The following PAXIP1 variants were observed in gnomAD, a reference collection of about 807,000 sequenced individuals.
PAXIP1 encodes PAX interacting protein 1.
Under a neutral mutation model 140.6 loss-of-function variants are expected in PAXIP1, and 19 were observed. That is an observed-to-expected ratio of 0.14 (90% CI 0.09 to 0.20). The LOEUF (loss-of-function observed/expected upper bound fraction) is 0.20. Ranked by LOEUF, PAXIP1 falls within the 10% of genes least tolerant of loss-of-function variation. The probability of loss-of-function intolerance (pLI) is 1.00; values close to 1 mark genes in which losing one functional copy is unlikely to be tolerated. For missense variants in PAXIP1, 920 were observed against 1,208.6 expected, an observed-to-expected ratio of 0.76 and a Z score of 3.54; for synonymous variants, 442 against 444.6, an observed-to-expected ratio of 0.99 and a Z score of 0.07.
intron 5 of PAXIP1, among the ~76,000 whole-genome samples, chr7:154,982,084 A>C (rs1172263383): frequency 3.9e-5 from 6 of 152,256 alleles, no homozygotes; most frequent in Non-Finnish European, 7.3e-5. Flanking sequence ...CTATGTAAAA[A>C]TCAAATACAT....
In PAXIP1 at chr7:154,947,976, G is replaced by A. The variant is rs778190585; in HGVS notation, c.2849C>T (p.Ala950Val). Residue 950 changes from alanine (A) to valine (V), a missense_variant, in exon 17 of 21, where the codon GCT (alanine) becomes GTT (valine). Coordinates refer to ENST00000404141, the MANE Select transcript of PAXIP1 (RefSeq NM_007349.4). ...GAAAGAGAAAAGTACTTCTGCCTCA[G>A]CATCTCGGAGAATGTAGTTCTGCTC... ...IDEQNYILRD[A>V]EAEVLFSFSL... 1 of 1,613,052 alleles carries A rather than the reference G, an allele frequency of 6.2e-7. No individual in the cohort carries two copies. The highest frequency in any genetic ancestry group is 8.5e-7 in the Non-Finnish European group (1 of 1,179,036).
chr7:154,978,099 T>A (rs1171281492), intron 5 of PAXIP1, among the ~76,000 whole-genome samples: 1 of 152,226 alleles, frequency 6.6e-6, no homozygotes, highest in Non-Finnish European at 1.5e-5. Flanking sequence ...CTCAAATTGA[T>A]AAAGACTTTC....
At chr7:154,944,277 G>C in intron 20 of PAXIP1, 113 bp from the exon 21 acceptor site, 1 of 901,700 alleles carries the variant, frequency 1.1e-6, no homozygotes. Flanking sequence ...GAATGCTACA[G>C]CCTCTTTCTT....
intron 2 of PAXIP1, among the ~76,000 whole-genome samples, chr7:154,994,959 TA>T (rs999290864): frequency 6.6e-6 from 1 of 152,096 alleles, no homozygotes; most frequent in Non-Finnish European, 1.5e-5. Context: ...CAGTTAAATT[TA>T]AAAAAATGGG....
intron 4 of PAXIP1, 50 bp from the exon 5 acceptor site, chr7:154,983,382 A>G (rs2150774070): frequency 1.2e-6 from 1 of 851,778 alleles, no homozygotes; most frequent in East Asian, 2.6e-5. Context: ...CAATCTGTGC[A>G]TGGCTATATT....
chr7:154,983,345 TAGAA>T lies in PAXIP1; in HGVS notation c.325-17_325-14del. On this transcript the variant is annotated splice_polypyrimidine_tract_variant and intron_variant, in intron 4 of 20. Transcript: ENST00000404141. Reference sequence around the variant, plus strand: ...CTTCAGATGACACCTGACAGAAAGTTAGAAAGAAGGCTTTTACCATACATTTCAA... The same window carrying T: ...CTTCAGATGACACCTGACAGAAAGTTAGAAGGCTTTTACCATACATTTCAA... The T allele has an allele frequency of 7.4e-7, 1 of 1,353,626 alleles. No homozygotes were observed. The highest frequency in any genetic ancestry group is 2.3e-5 in the East Asian group (1 of 43,518). The allele number at this position is 1,353,626 out of a possible 1,614,324, so 83.9% of individuals were successfully genotyped here.
intron 17 of PAXIP1, chr7:154,947,025 A>G: frequency 2.2e-6 from 1 of 450,026 alleles, no homozygotes; most frequent in East Asian, 3.7e-5. Context: ...CATGTTAAGT[A>G]TGCCTGAAGA....
intron 3 of PAXIP1, 89 bp from the exon 4 acceptor site, chr7:154,991,158 C>G (rs551941205): frequency 1.6e-6 from 1 of 625,504 alleles, no homozygotes; most frequent in East Asian, 3.1e-5. Context: ...TCCGTCCCCA[C>G]TCAGTCCATT....
chr7:155,002,686 C>G (rs1810971510), intron 1 of PAXIP1, among the ~76,000 whole-genome samples, 163 bp downstream of exon 1: 1 of 151,426 alleles, frequency 6.6e-6, no homozygotes, highest in African/African-American at 2.4e-5. Flanking sequence ...CGCGCCCACC[C>G]CGCGGTCGCC....
At chr7:155,000,798 T>C (rs564124588) in intron 1 of PAXIP1, 3 of 152,364 alleles carry the variant, frequency 2.0e-5, no homozygotes, top group African/African-American at 7.2e-5. Context: ...CCCAAACGCA[T>C]GAATGCCTTC....
rs1237101454 is a variant in PAXIP1 at position 154,963,447 on chromosome 7, TAAC to T, written c.1989+221_1989+223del. ...CCTCGGCCTCCTGTCCGCCCTTTCT[TAAC>T]ACCACCTGGGAACATCCCTTTCTTT... On this transcript the variant is annotated intron_variant, in intron 9 of 20. Coordinates refer to ENST00000404141, the MANE Select transcript of PAXIP1 (RefSeq NM_007349.4). The surrounding 1 kb of genome is among the most constrained non-coding windows in gnomAD (Gnocchi z 4.1). Among the ~76,000 whole-genome samples the T allele has an allele frequency of 6.6e-6, 1 of 152,150 alleles. No individual in the cohort carries two copies. Among genetic ancestry groups the T allele is most frequent in the Non-Finnish European group, 1.5e-5 (1 of 68,018 alleles).
At chr7:155,002,321 C>T (rs1163380876) in intron 1 of PAXIP1, among the ~76,000 whole-genome samples, 1 of 152,198 alleles carries the variant, frequency 6.6e-6, no homozygotes, top group Non-Finnish European at 1.5e-5. Flanking sequence ...TCCTCAGCCC[C>T]GCACAGGACG....
chr7:154,983,318 G>T lies in PAXIP1; in HGVS notation c.339C>A (p.Asp113Glu). ...TACLSQVSSE[D>E]RSALWALVTF... is the part of the protein sequence containing the mutation. ...TAACCAAAGCCCACAGGGCACTTCT[G>T]TCTTCAGATGACACCTGACAGAAAG... The change falls in exon 5 of 21, where the codon GAC becomes GAA. Residue 113 changes from aspartate (D) to glutamate (E), a missense_variant. Asp to Glu is a conservative substitution (Grantham distance 45). Transcript: ENST00000404141. 6.3e-7 allele frequency: 1 copy of T among 1,585,736 alleles called. No homozygotes were observed. Among genetic ancestry groups the T allele is most frequent in the Non-Finnish European group, 8.7e-7 (1 of 1,155,152 alleles).
At chr7:154,964,669 T>A (rs1209433606) in intron 8 of PAXIP1, 1 of 152,230 alleles carries the variant, frequency 6.6e-6, no homozygotes, top group Non-Finnish European at 1.5e-5. Flanking sequence ...TACATAACCA[T>A]CTACCTCCTA....
chr7:154,968,657 GCAAGCTGCTGCTGCTGGAGCTGGT>G lies in PAXIP1; in HGVS notation c.1520_1543del (p.His507_Ala515delinsPro). Reference sequence around the variant, plus strand: ...CAGGCTGTGCTGCTGCTGGAGCTGGGCAAGCTGCTGCTGCTGGAGCTGGTGCTGCTGCAGCTGATGGAACTGCTG... The same window carrying G: ...CAGGCTGTGCTGCTGCTGGAGCTGGGGCTGCTGCAGCTGATGGAACTGCTG... On this transcript the variant is annotated inframe_deletion, in exon 7 of 21. Transcript: ENST00000404141. 1 of 713,306 alleles carries G rather than the reference GCAAGCTGCTGCTGCTGGAGCTGGT, an allele frequency of 1.4e-6. No homozygotes were observed. Among genetic ancestry groups the G allele is most frequent in the Non-Finnish European group, 2.6e-6 (1 of 383,664 alleles). The allele number at this position is 713,306 out of a possible 1,614,324, so 44.2% of individuals were successfully genotyped here.
At chr7:154,960,635 C>T (rs1438631607) in intron 12 of PAXIP1, among the ~76,000 whole-genome samples, 2 of 152,224 alleles carry the variant, frequency 1.3e-5, no homozygotes, top group East Asian at 3.9e-4. Context: ...ATGATCACAC[C>T]ACTGCATTCC....
chr7:154,998,733 G>A lies in PAXIP1; in HGVS notation c.133C>T (p.Leu45=). ...TCCTCTGAGATTATGTGTGAGGCTA[G>A]TGCATTGTAGGAAACTTCCTTCGCT... is the stretch of plus-strand genomic sequence containing the variant. ...GKAKEVSYNA[L]ASHIISEDGD... is the part of the protein sequence containing the mutation. Residue 45 remains leucine, a synonymous_variant, in exon 2 of 21, where the codon CTA becomes TTA. Transcript: ENST00000404141. 1 of 1,613,282 alleles carries A rather than the reference G, an allele frequency of 6.2e-7. No homozygotes were observed. The highest frequency in any genetic ancestry group is 1.1e-5 in the South Asian group (1 of 90,982).
chr7:154,952,422 C>A (rs763191042), intron 16 of PAXIP1, among the ~76,000 whole-genome samples: 2 of 152,130 alleles, frequency 1.3e-5, no homozygotes, highest in Non-Finnish European at 1.5e-5. Context: ...TTTTTGTGAT[C>A]TATTTAGTGC....
At chr7:154,953,350 C>T (rs927104395) in intron 16 of PAXIP1, among the ~76,000 whole-genome samples, 11 of 152,210 alleles carry the variant, frequency 7.2e-5, no homozygotes, top group African/African-American at 2.7e-4. Context: ...TGCTCTAAAT[C>T]AGGGGCTGGT....
Sources: allele counts gnomAD v4.1 joint callset (sites outside exome capture counted in the v4.1 genomes callset), GRCh38; gene constraint gnomAD v4.1.1; non-coding constraint Gnocchi (gnomAD v3.1); transcripts MANE v1.5; gene names NCBI Gene and HGNC (gene_info 2026-07-23, HGNC 2026-07-21).